INTS8: variants seen among roughly 807,000 people sequenced by gnomAD.
INTS8 encodes the protein integrator complex subunit 8.
A neutral mutation model predicts 138.9 loss-of-function variants in INTS8; 47 were observed. That is an observed-to-expected ratio of 0.34 (90% confidence interval 0.27 to 0.43). The LOEUF (loss-of-function observed/expected upper bound fraction) is 0.43, where lower values mean the gene tolerates loss of function less well. Ranked by LOEUF, INTS8 falls within the 20% of genes least tolerant of loss-of-function variation. INTS8 has a pLI of 1.00. For synonymous variants in INTS8, 392 were observed against 400.9 expected, an observed-to-expected ratio of 0.98 and a Z score of 0.27; for missense variants, 996 against 1,173.0, an observed-to-expected ratio of 0.85 and a Z score of 2.20.
chr8:94,871,736 G>T, intron 20 of INTS8, 148 bp from the exon 21 acceptor site: 1 of 579,788 alleles, frequency 1.7e-6, no homozygotes, highest in Non-Finnish European at 3.0e-6. Context: ...TGTGTTGATA[G>T]TTCTTATAAT....
chr8:94,836,476 A>G, intron 6 of INTS8, 48 bp from the exon 7 acceptor site: 1 of 1,440,558 alleles, frequency 6.9e-7, no homozygotes, highest in Non-Finnish European at 9.7e-7. Context: ...GTCACCTCTT[A>G]AGTACCTGAG....
Position 94,880,450 on chromosome 8 carries a change from A to C in INTS8, c.*216A>C, listed in dbSNP as rs1229018201. The C allele has an allele frequency of 1.5e-5, 5 of 333,336 alleles. No individual in the cohort carries two copies. The highest frequency in any genetic ancestry group is 2.7e-5 in the Non-Finnish European group (5 of 186,388). 20.6% of individuals were successfully genotyped at this position (333,336 alleles called of 1,614,324 possible). On this transcript the variant is annotated 3_prime_UTR_variant, in exon 27 of 27. Transcript: ENST00000523731. ...TTCTTCAAAGGGAGAAGAGATTCAC[A>C]TATCTGATAACAAAATAAACTAGCA...
At position 94,867,137 on chromosome 8, in the gene INTS8, T is replaced by C. The variant is rs781097584; in HGVS notation, c.2296-3T>C. ...TAAGGATTCTGTGTTTTCTTTCTCA[T>C]AGGAACCACTCGTTTTGACTATTAT... On this transcript the variant is annotated splice_polypyrimidine_tract_variant and splice_region_variant and intron_variant, in intron 18 of 26. Coordinates refer to ENST00000523731, the MANE Select transcript of INTS8 (RefSeq NM_017864.4). 2 of 1,604,402 alleles carry C rather than the reference T, an allele frequency of 1.2e-6. No individual in the cohort carries two copies. The highest frequency in any genetic ancestry group is 1.7e-5 in the Admixed American group (1 of 59,480).
intron 23 of INTS8, among the ~76,000 whole-genome samples, 199 bp downstream of exon 23, chr8:94,874,801 T>C (rs1816516673): frequency 6.6e-6 from 1 of 152,192 alleles, no homozygotes. Flanking sequence ...ATTAAAAACA[T>C]TGACCTTTAA....
intron 21 of INTS8, among the ~76,000 whole-genome samples, chr8:94,872,467 C>G (rs1816431816): frequency 6.6e-6 from 1 of 152,322 alleles, no homozygotes; most frequent in East Asian, 1.9e-4. Flanking sequence ...CTCCTGACCT[C>G]AGGTGATCTG....
At chr8:94,866,020 T>A (rs1274409602) in intron 17 of INTS8, 138 bp from the exon 18 acceptor site, 5 of 560,594 alleles carry the variant, frequency 8.9e-6, no homozygotes, top group Non-Finnish European at 1.6e-5. Flanking sequence ...TAGGTTAGTA[T>A]AACAGTAGAA....
At chr8:94,852,052 C>T (rs1563656506) in intron 13 of INTS8, among the ~76,000 whole-genome samples, 1 of 152,124 alleles carries the variant, frequency 6.6e-6, no homozygotes, top group Non-Finnish European at 1.5e-5. Context: ...AAGTGATTCT[C>T]CTGCCTCAGC....
intron 5 of INTS8, among the ~76,000 whole-genome samples, chr8:94,830,060 T>A (rs1814656129): frequency 6.6e-6 from 1 of 152,144 alleles, no homozygotes; most frequent in Non-Finnish European, 1.5e-5. Flanking sequence ...CATGCCCAGC[T>A]AATTTTTTGT....
chr8:94,881,226 C>T lies in INTS8; in HGVS notation c.*992C>T. 2.7e-6 allele frequency: 1 copy of T among 363,806 alleles called. No homozygotes were observed. Among genetic ancestry groups the T allele is most frequent in the Non-Finnish European group, 4.9e-6 (1 of 205,200 alleles). 22.5% of individuals were successfully genotyped at this position (363,806 alleles called of 1,614,324 possible). On this transcript the variant is annotated 3_prime_UTR_variant, in exon 27 of 27. Coordinates refer to ENST00000523731, the MANE Select transcript of INTS8 (RefSeq NM_017864.4). ...TGTAGGAATTTTGAGAATCTAACAA[C>T]TAGATTCAAAGTACTGTATCACTTA...
intron 10 of INTS8, among the ~76,000 whole-genome samples, chr8:94,842,831 G>A (rs549324686): frequency 5.3e-4 from 81 of 152,180 alleles, no homozygotes; most frequent in African/African-American, 1.8e-3. Flanking sequence ...TTCATCACCT[G>A]TTTACTAAGA....
Position 94,875,726 on chromosome 8 carries a change from G to A in INTS8, c.2689-348G>A, listed in dbSNP as rs111316107. 7.2e-3 allele frequency among the ~76,000 whole-genome samples: 1,103 copies of A among 152,214 alleles called. 6 individuals carry two copies. Among genetic ancestry groups the A allele is most frequent in the African/African-American group, 0.025 (1,049 of 41,550 alleles). On this transcript the variant is annotated intron_variant, in intron 23 of 26. Coordinates refer to ENST00000523731, the MANE Select transcript of INTS8 (RefSeq NM_017864.4). ...GCAGCCTAAATTTTCCAAAATGAGC[G>A]TCTATACTTGCCAGCTATGAAAGGT...
intron 7 of INTS8, 62 bp from the exon 8 acceptor site, chr8:94,838,401 G>T: frequency 7.4e-7 from 1 of 1,347,116 alleles, no homozygotes. Flanking sequence ...CATGCTAAGG[G>T]GGTGCTAGAC....
intron 14 of INTS8, among the ~76,000 whole-genome samples, chr8:94,855,538 C>T (rs76907932): frequency 0.034 from 5,154 of 152,248 alleles, 91 homozygotes; most frequent in Non-Finnish European, 0.04. Flanking sequence ...TTATCTCCTT[C>T]TACACCTAAC....
chr8:94,875,942 A>T, intron 23 of INTS8, 132 bp from the exon 24 acceptor site: 1 of 679,960 alleles, frequency 1.5e-6, no homozygotes, highest in African/African-American at 1.8e-5. Flanking sequence ...TTGAAATTAA[A>T]ATTGGATGGA....
chr8:94,856,873 C>T lies in INTS8; in HGVS notation c.1849C>T (p.Leu617Phe), dbSNP rs1398656716. Reference protein sequence around the residue: ...LRQVMLNEMLLLDIHTHEAGT... With the variant: ...LRQVMLNEMLFLDIHTHEAGT... ...TCAGGTCATGCTGAATGAGATGTTG[C>T]TTTTGGATATTCATACACACGAAGC... is the stretch of plus-strand genomic sequence containing the variant. Residue 617 changes from leucine to phenylalanine, a missense_variant, in exon 15 of 27, where the codon CTT (leucine) becomes TTT (phenylalanine). Transcript: ENST00000523731. 2 of 1,614,072 alleles carry T rather than the reference C, an allele frequency of 1.2e-6. No homozygotes were observed. The highest frequency in any genetic ancestry group is 1.1e-5 in the South Asian group (1 of 91,078).
chr8:94,844,026 C>CTTTTTTTTTT (rs539302253), intron 10 of INTS8, among the ~76,000 whole-genome samples: 6 of 139,270 alleles, frequency 4.3e-5, no homozygotes, highest in South Asian at 2.3e-4. Flanking sequence ...TAGAGTTCTG[C>CTTTTTTTTTT]TTTTTTTTTT....
chr8:94,847,920 A>AATAC (rs1413753088), intron 10 of INTS8, among the ~76,000 whole-genome samples: 3 of 152,170 alleles, frequency 2.0e-5, no homozygotes, highest in Non-Finnish European at 2.9e-5. Flanking sequence ...GTAAGTGTAT[A>AATAC]ATACATACTC....
intron 14 of INTS8, among the ~76,000 whole-genome samples, chr8:94,854,936 G>A (rs960469018): frequency 2.8e-5 from 4 of 141,034 alleles, no homozygotes; most frequent in Admixed American, 2.2e-4. Context: ...TGCAGAGACA[G>A]CATCTCCTTA....
Position 94,853,833 on chromosome 8 carries a change from T to G in INTS8, c.1670T>G (p.Val557Gly). The G allele has an allele frequency of 3.7e-6, 6 of 1,610,490 alleles. No individual in the cohort carries two copies. The highest frequency in any genetic ancestry group is 5.1e-6 in the Non-Finnish European group (6 of 1,176,702). The change falls in exon 14 of 27, where the codon GTT becomes GGT. Residue 557 changes from valine (V) to glycine (G), a missense_variant. Physicochemically the swap from Val to Gly is moderately radical, Grantham distance 109 (BLOSUM62 -3). Transcript: ENST00000523731. Reference protein sequence around the residue: ...KWEVPSVYSGVILGIKDNLTR... With the variant: ...KWEVPSVYSGGILGIKDNLTR... The stretch of plus-strand genomic sequence containing the variant: ...GAAGTACCTTCTGTCTATAGTGGTG[T>G]TATCCTGGGAATTAAAGACAATTTA...
Sources: gnomAD v4.1 joint callset for allele counts (sites outside exome capture counted in the v4.1 genomes callset) on GRCh38, gnomAD v4.1.1 for gene constraint, MANE v1.5 for transcripts, NCBI Gene and HGNC (gene_info 2026-07-23, HGNC 2026-07-21) for gene names.